Variants in ALOX12B observed in about 807,000 individuals in gnomAD.
The protein encoded by ALOX12B is arachidonate 12-lipoxygenase, 12R-type.
ALOX12B carries 47 observed loss-of-function variants against 78.9 expected under a neutral mutation model. The ratio of observed to expected loss-of-function variants is 0.60; its 90% CI spans 0.47 to 0.76. ALOX12B has a LOEUF of 0.76. Ranked by LOEUF, ALOX12B falls within the 30% of genes least tolerant of loss-of-function variation. The pLI, the probability that ALOX12B is intolerant of heterozygous loss-of-function variation, is 0.00. For synonymous variants in ALOX12B, 370 were observed against 374.5 expected, an observed-to-expected ratio of 0.99 and a Z score of 0.14; for missense variants, 805 against 922.6, an observed-to-expected ratio of 0.87 and a Z score of 1.65.
chr17:8,074,054 C>T (rs1403250026), intron 12 of ALOX12B, among the ~76,000 whole-genome samples: 1 of 152,196 alleles, frequency 6.6e-6, no homozygotes, highest in Non-Finnish European at 1.5e-5. Flanking sequence ...CCGCTCCGGT[C>T]CCAGACCTGG....
chr17:8,087,199 G>A, intron 1 of ALOX12B, 97 bp downstream of exon 1: 4 of 1,547,150 alleles, frequency 2.6e-6, no homozygotes, highest in Non-Finnish European at 3.5e-6. Flanking sequence ...ACCCCTCCCG[G>A]GGCCACAAAG....
At position 8,081,166 on chromosome 17, in the gene ALOX12B, G is replaced by A. The variant is rs1276974165; in HGVS notation, c.374C>T (p.Ser125Leu). The A allele has an allele frequency of 1.2e-6, 2 of 1,613,926 alleles. No homozygotes were observed. The highest frequency in any genetic ancestry group is 1.7e-6 in the Non-Finnish European group (2 of 1,179,986). The change falls in exon 3 of 15, where the codon TCG (serine) becomes TTG (leucine). Residue 125 changes from serine (S) to leucine (L), a missense_variant. Transcript: ENST00000647874. ...EATGKTTADDSLPVLLEHRKE... is the reference protein window; with the variant it reads ...EATGKTTADDLLPVLLEHRKE... ...TCTGTGCTCCAGGAGGACGGGGAGC[G>A]AGTCATCTGCTGTTGTCTTTCCTGT...
Position 8,079,581 on chromosome 17 carries a change from G to C in ALOX12B, c.928-42C>G, listed in dbSNP as rs771244052. 97 of 1,548,034 alleles carry C rather than the reference G, an allele frequency of 6.3e-5. 3 individuals carry two copies. The South Asian group carries it at 8.5e-4, about 14-fold the overall frequency. ...ATGGGTGGCAAGTAGGCACCCACAC[G>C]GGAAGCCCGTGACCCGCGCCGCAGG... is the stretch of plus-strand genomic sequence containing the variant. On this transcript the variant is annotated intron_variant, in intron 7 of 14. Coordinates refer to ENST00000647874, the MANE Select transcript of ALOX12B (RefSeq NM_001139.3). The surrounding 1 kb of genome is among the most constrained non-coding windows in gnomAD (Gnocchi z 6.4).
chr17:8,083,799 C>T (rs1041801425), intron 2 of ALOX12B, among the ~76,000 whole-genome samples: 1 of 151,896 alleles, frequency 6.6e-6, no homozygotes, highest in African/African-American at 2.4e-5. Flanking sequence ...ATTCTCACAT[C>T]CACCCTATGA....
At chr17:8,074,714 C>T (rs968002123) in intron 12 of ALOX12B, among the ~76,000 whole-genome samples, 2 of 152,184 alleles carry the variant, frequency 1.3e-5, no homozygotes, top group Non-Finnish European at 2.9e-5. Flanking sequence ...GCAGCCTGGC[C>T]GTGGCTCACG....
Position 8,079,495 on chromosome 17 carries a change from G to C in ALOX12B, c.972C>G (p.Ile324Met). The change falls in exon 8 of 15, where the codon ATC becomes ATG. Residue 324 changes from isoleucine to methionine, a missense_variant. Coordinates refer to ENST00000647874, the MANE Select transcript of ALOX12B (RefSeq NM_001139.3). The surrounding 1 kb of genome is among the most constrained non-coding windows in gnomAD (Gnocchi z 6.4). ...TCCGGCCGCTGAGCTCCACGGTGGG[G>C]ATGCCCTCCATGATGCGGTAGTCGG... ...YLADYRIMEG[I>M]PTVELSGRKQ... is the part of the protein sequence containing the mutation. 1.9e-6 allele frequency: 3 copies of C among 1,551,008 alleles called. No homozygotes were observed. Among genetic ancestry groups the C allele is most frequent in the Non-Finnish European group, 2.6e-6 (3 of 1,146,998 alleles).
chr17:8,074,561 C>G (rs1977044073), intron 12 of ALOX12B, among the ~76,000 whole-genome samples: 1 of 152,068 alleles, frequency 6.6e-6, no homozygotes, highest in South Asian at 2.1e-4. Context: ...TTACCCTAGT[C>G]AGGTCCCCAG....
Position 8,083,807 on chromosome 17 carries a change from T to G in ALOX12B, c.352+2209A>C, listed in dbSNP as rs1160496233. On this transcript the variant is annotated intron_variant, in intron 2 of 14. Transcript: ENST00000647874. ...TTATTGGATTCTCACATCCACCCTA[T>G]GAAGTAGGTTCTGTTGTTATCTCCA... Among the ~76,000 whole-genome samples, 3 of 151,882 alleles carry G rather than the reference T, an allele frequency of 2.0e-5. No homozygotes were observed. The East Asian group carries it at 5.8e-4, about 29-fold the overall frequency.
intron 9 of ALOX12B, 32 bp downstream of exon 9, chr17:8,076,958 C>A: frequency 6.2e-7 from 1 of 1,603,462 alleles, no homozygotes; most frequent in Non-Finnish European, 8.5e-7. Context: ...GGCCATGATG[C>A]CTGGGGGAGG....
At chr17:8,077,334 C>T (rs756628634) in intron 8 of ALOX12B, 141 bp from the exon 9 acceptor site, 102 of 810,716 alleles carry the variant, frequency 1.3e-4, no homozygotes, top group Non-Finnish European at 1.9e-4. Context: ...CCTGAGCACC[C>T]CTGGGCCTTT....
At position 8,080,218 on chromosome 17, in the gene ALOX12B, G is replaced by T; in HGVS notation, c.754+17C>A. On this transcript the variant is annotated intron_variant, in intron 6 of 14. Coordinates refer to ENST00000647874, the MANE Select transcript of ALOX12B (RefSeq NM_001139.3). The surrounding 1 kb of genome is among the most constrained non-coding windows in gnomAD (Gnocchi z 4.8). ...GCCTGGCTCCCCCTGCTCGATCCGG[G>T]ACGCCCCATTCCATACCGGAGACGA... The T allele has an allele frequency of 3.7e-6, 6 of 1,611,832 alleles. No homozygotes were observed. The highest frequency in any genetic ancestry group is 5.1e-6 in the Non-Finnish European group (6 of 1,177,872).
At chr17:8,074,653 G>A (rs1390338538) in intron 12 of ALOX12B, among the ~76,000 whole-genome samples, 6 of 152,122 alleles carry the variant, frequency 3.9e-5, no homozygotes, top group African/African-American at 1.4e-4. Context: ...ATACAAGTCT[G>A]ATCTCCTTGC....
rs201543289 is a variant in ALOX12B at position 8,073,764 on chromosome 17, G to A, written c.1655-7C>T. 168 of 1,612,524 alleles carry A rather than the reference G, an allele frequency of 1.0e-4. 1 individual carries two copies. The highest frequency in any genetic ancestry group is 1.3e-4 in the Non-Finnish European group (155 of 1,178,930). ...CGCAAGCACCTAGGGAAGCCTGACC[G>A]GCGGGGGAAAAGCCCAGGCGACATC... On this transcript the variant is annotated splice_polypyrimidine_tract_variant and splice_region_variant and intron_variant, in intron 12 of 14. Transcript: ENST00000647874.
At chr17:8,081,288 G>T (rs1482799252) in intron 2 of ALOX12B, 101 bp from the exon 3 acceptor site, 1 of 1,212,066 alleles carries the variant, frequency 8.3e-7, no homozygotes, top group Non-Finnish European at 1.2e-6. Flanking sequence ...TCTCTGGGGG[G>T]GCCCATGACC....
In ALOX12B at chr17:8,073,614, T is replaced by C. The variant is rs370415657; in HGVS notation, c.1755+43A>G. On this transcript the variant is annotated intron_variant, in intron 13 of 14. Transcript: ENST00000647874. ...TGGGGCATGGACGAAATTTAGAAGGTCTGAGCCTCGGGCTGGGCCTGGGTT... is the reference window on the plus strand; with the variant it reads ...TGGGGCATGGACGAAATTTAGAAGGCCTGAGCCTCGGGCTGGGCCTGGGTT... 8.3e-6 allele frequency: 13 copies of C among 1,566,566 alleles called. No homozygotes were observed. The African/African-American group carries it at 1.6e-4, about 20-fold the overall frequency.
chr17:8,076,718 G>A lies in ALOX12B; in HGVS notation c.1301C>T (p.Thr434Ile), dbSNP rs1312902509. ...CCGGCCAATGCTGTTGATCTGGACG[G>A]TGTATCGGGTATGGGGGATGAGGAG... ...YKLLIPHTRY[T>I]VQINSIGRAV... is the part of the protein sequence containing the mutation. Residue 434 changes from threonine (T) to isoleucine (I), a missense_variant, in exon 10 of 15, where the codon ACC (threonine) becomes ATC (isoleucine). Physicochemically the swap from Thr to Ile is moderately conservative, Grantham distance 89. Coordinates refer to ENST00000647874, the MANE Select transcript of ALOX12B (RefSeq NM_001139.3). The A allele has an allele frequency of 1.3e-6, 2 of 1,550,796 alleles. No homozygotes were observed. The highest frequency in any genetic ancestry group is 1.2e-5 in the South Asian group (1 of 84,012).
rs1978290689 is a variant in ALOX12B at position 8,084,013 on chromosome 17, C to T, written c.352+2003G>A. On this transcript the variant is annotated intron_variant, in intron 2 of 14. Coordinates refer to ENST00000647874, the MANE Select transcript of ALOX12B (RefSeq NM_001139.3). ...CTGTACTAAAAATACAAAAAATTAGCCGGGCGTGGTGGCACTCGCCTGTAG... is the reference window on the plus strand; with the variant it reads ...CTGTACTAAAAATACAAAAAATTAGTCGGGCGTGGTGGCACTCGCCTGTAG... 2.0e-5 allele frequency among the ~76,000 whole-genome samples: 3 copies of T among 152,142 alleles called. No homozygotes were observed. The South Asian group carries it at 6.2e-4, about 32-fold the overall frequency.
At position 8,075,708 on chromosome 17, in the gene ALOX12B, G is replaced by A. The variant is rs766621071; in HGVS notation, c.1541C>T (p.Thr514Met). 39 of 1,614,054 alleles carry A rather than the reference G, an allele frequency of 2.4e-5. No homozygotes were observed. The highest frequency in any genetic ancestry group is 6.6e-5 in the South Asian group (6 of 91,090). Reference sequence around the variant, plus strand: ...CGGGTAATAATAGGTGATGATCTCCGTCACATACCTGACCAGGGGACAGGG... The same window carrying A: ...CGGGTAATAATAGGTGATGATCTCCATCACATACCTGACCAGGGGACAGGG... Reference protein sequence around the residue: ...AVWNALEKYVTEIITYYYPSD... With the variant: ...AVWNALEKYVMEIITYYYPSD... Residue 514 changes from threonine (T) to methionine (M), a missense_variant, in exon 12 of 15, where the codon ACG becomes ATG. Coordinates refer to ENST00000647874, the MANE Select transcript of ALOX12B (RefSeq NM_001139.3).
In ALOX12B at chr17:8,087,259, GACACACACACACACACACACAC is replaced by G. The variant is rs3217514; in HGVS notation, c.147+15_147+36del. The G allele has an allele frequency of 2.6e-5, 28 of 1,071,282 alleles. No individual in the cohort carries two copies. The highest frequency in any genetic ancestry group is 3.6e-5 in the Non-Finnish European group (27 of 742,124). 66.4% of individuals were successfully genotyped at this position (1,071,282 alleles called of 1,614,324 possible). Reference sequence around the variant, plus strand: ...ACAGACACACACACACACACACACAGACACACACACACACACACACACACACACACTCTTACCGCCCCAGTTG... The same window carrying G: ...ACAGACACACACACACACACACACAGACACACACTCTTACCGCCCCAGTTG... On this transcript the variant is annotated intron_variant, in intron 1 of 14. Coordinates refer to ENST00000647874, the MANE Select transcript of ALOX12B (RefSeq NM_001139.3).
Sources: allele counts gnomAD v4.1 joint callset (sites outside exome capture counted in the v4.1 genomes callset), GRCh38; gene constraint gnomAD v4.1.1; non-coding constraint Gnocchi (gnomAD v3.1); transcripts MANE v1.5; gene names NCBI Gene and HGNC (gene_info 2026-07-23, HGNC 2026-07-21).